MAP2K1: variants seen among roughly 807,000 people sequenced by gnomAD.
MAP2K1 encodes mitogen-activated protein kinase kinase 1.
Under a neutral mutation model 46.3 loss-of-function variants are expected in MAP2K1, and 16 were observed. The ratio of observed to expected loss-of-function variants is 0.35; its 90% CI spans 0.23 to 0.52. The LOEUF is 0.52. MAP2K1 is among the 20% of genes least tolerant of loss of function. MAP2K1 has a pLI of 0.94. For synonymous variants in MAP2K1, 183 were observed against 185.6 expected (o/e 0.99, Z 0.11); for missense variants, 263 against 497.1 (o/e 0.53, Z 4.48).
intron 5 of MAP2K1, among the ~76,000 whole-genome samples, chr15:66,455,867 A>G (rs1425872699): frequency 6.6e-6 from 1 of 152,212 alleles, no homozygotes; most frequent in Non-Finnish European, 1.5e-5. Flanking sequence ...TATACAGAAC[A>G]TTGTATTCTA....
chr15:66,435,959 A>T (rs2093486964), intron 2 of MAP2K1, among the ~76,000 whole-genome samples: 1 of 152,162 alleles, frequency 6.6e-6, no homozygotes, highest in Non-Finnish European at 1.5e-5. Context: ...GTAGAGCTGG[A>T]CTTCCCTTTC....
intron 1 of MAP2K1, among the ~76,000 whole-genome samples, chr15:66,425,426 A>T (rs541352618): frequency 5.3e-5 from 8 of 152,262 alleles, no homozygotes; most frequent in African/African-American, 1.9e-4. Context: ...TGCTTGTGCA[A>T]ATCACATCTT....
chr15:66,478,258 C>G (rs1892807981), intron 5 of MAP2K1, among the ~76,000 whole-genome samples: 1 of 143,282 alleles, frequency 7.0e-6, no homozygotes, highest in South Asian at 2.1e-4. Flanking sequence ...ATATAAAAAT[C>G]TGTGTATATA....
chr15:66,443,194 C>G, intron 3 of MAP2K1, 86 bp from the exon 4 acceptor site: 1 of 786,442 alleles, frequency 1.3e-6, no homozygotes, highest in Non-Finnish European at 2.1e-6. Flanking sequence ...TCATGCCATT[C>G]TCCTGCCTCA....
At chr15:66,402,590 T>C (rs1427440930) in intron 1 of MAP2K1, among the ~76,000 whole-genome samples, 1 of 152,200 alleles carries the variant, frequency 6.6e-6, no homozygotes, top group African/African-American at 2.4e-5. Context: ...TAGGGTATTA[T>C]AGTTTCTTAA....
intron 6 of MAP2K1, among the ~76,000 whole-genome samples, chr15:66,482,092 T>C (rs1248019645): frequency 6.6e-6 from 1 of 152,108 alleles, no homozygotes; most frequent in Non-Finnish European, 1.5e-5. Context: ...TATTGGGGCC[T>C]TGACTCACTG....
intron 7 of MAP2K1, among the ~76,000 whole-genome samples, chr15:66,486,254 A>G (rs947869341): frequency 1.3e-5 from 2 of 152,202 alleles, no homozygotes; most frequent in African/African-American, 2.4e-5. Flanking sequence ...TAGAATTCAC[A>G]TAAGACAAAA....
intron 5 of MAP2K1, among the ~76,000 whole-genome samples, chr15:66,447,708 T>A (rs1567013628): frequency 7.1e-6 from 1 of 140,896 alleles, no homozygotes; most frequent in African/African-American, 2.5e-5. Flanking sequence ...AAAAGTTTAA[T>A]TGTAAAAAAT....
chr15:66,430,839 T>TA, intron 1 of MAP2K1, among the ~76,000 whole-genome samples: 1 of 152,340 alleles, frequency 6.6e-6, no homozygotes, highest in Non-Finnish European at 1.5e-5. Context: ...TTCTTGCCCA[T>TA]AGGATTATCC....
At chr15:66,453,117 A>G (rs529144986) in intron 5 of MAP2K1, among the ~76,000 whole-genome samples, 1 of 152,296 alleles carries the variant, frequency 6.6e-6, no homozygotes, top group South Asian at 2.1e-4. Context: ...TTTCTGTACT[A>G]TGTACCTACT....
rs146013703 is a variant in MAP2K1 at position 66,402,308 on chromosome 15, T to C, written c.80+14881T>C. Among the ~76,000 whole-genome samples the C allele has an allele frequency of 3.3e-3, 497 of 152,340 alleles. 3 individuals are homozygous for C. The highest frequency in any genetic ancestry group is 0.011 in the African/African-American group (473 of 41,574). On this transcript the variant is annotated intron_variant, in intron 1 of 10. Coordinates refer to ENST00000307102, the MANE Select transcript of MAP2K1 (RefSeq NM_002755.4). Reference sequence around the variant, plus strand: ...CTCTTTTTCCCATGTGGAATTAATATGCTCGGTATGAGGTGTATGTCTAAG... The same window carrying C: ...CTCTTTTTCCCATGTGGAATTAATACGCTCGGTATGAGGTGTATGTCTAAG...
intron 1 of MAP2K1, 118 bp downstream of exon 1, chr15:66,387,545 G>A (rs2093344926): frequency 9.7e-7 from 1 of 1,030,852 alleles, no homozygotes; most frequent in Admixed American, 2.2e-5. Flanking sequence ...CTGGCAGGGG[G>A]CGAGAAACTC....
At chr15:66,464,922 A>T (rs953598424) in intron 5 of MAP2K1, among the ~76,000 whole-genome samples, 4 of 151,876 alleles carry the variant, frequency 2.6e-5, no homozygotes, top group African/African-American at 7.2e-5. Context: ...GTAAGACTAG[A>T]ATCTAACAGG....
intron 1 of MAP2K1, among the ~76,000 whole-genome samples, chr15:66,399,659 C>A (rs752835926): frequency 6.6e-6 from 1 of 152,080 alleles, no homozygotes; most frequent in African/African-American, 2.4e-5. Flanking sequence ...TGCAGTGGCA[C>A]GATCTCATGT....
intron 3 of MAP2K1, among the ~76,000 whole-genome samples, chr15:66,437,539 G>A (rs12906194): frequency 0.056 from 8,562 of 152,254 alleles, 346 homozygotes; most frequent in Middle Eastern, 0.11. Flanking sequence ...GAGGGCTGAC[G>A]TGAGTCTGCA....
chr15:66,487,938 A>G (rs927374968), intron 8 of MAP2K1, among the ~76,000 whole-genome samples: 4 of 152,140 alleles, frequency 2.6e-5, no homozygotes, highest in African/African-American at 4.8e-5. Flanking sequence ...TTAATTTCCC[A>G]TGCAATTCTC....
chr15:66,412,282 G>A (rs896181159), intron 1 of MAP2K1, among the ~76,000 whole-genome samples: 1 of 152,178 alleles, frequency 6.6e-6, no homozygotes, highest in Non-Finnish European at 1.5e-5. Context: ...TTTGCTGTGG[G>A]CTGGTAGACA....
intron 1 of MAP2K1, among the ~76,000 whole-genome samples, chr15:66,423,731 C>T (rs894863012): frequency 5.7e-5 from 8 of 140,320 alleles, no homozygotes; most frequent in African/African-American, 1.8e-4. Context: ...CCTCAGCCTC[C>T]CGAGTAGCTG....
intron 1 of MAP2K1, among the ~76,000 whole-genome samples, chr15:66,391,679 A>G (rs901049345): frequency 3.3e-5 from 5 of 152,170 alleles, no homozygotes; most frequent in African/African-American, 1.2e-4. Context: ...GAAATTTCTA[A>G]TATTTGCACA....
Sources: allele counts gnomAD v4.1 joint callset (sites outside exome capture counted in the v4.1 genomes callset), GRCh38; gene constraint gnomAD v4.1.1; transcripts MANE v1.5; gene names NCBI Gene and HGNC (gene_info 2026-07-23, HGNC 2026-07-21).